Variants in CCSER1 observed in about 807,000 individuals in gnomAD.
CCSER1 encodes serine-rich coiled-coil domain-containing protein 1.
Under a neutral mutation model 82.0 loss-of-function variants are expected in CCSER1, and 41 were observed. The observed-to-expected ratio is 0.50, with a 90% CI of 0.39 to 0.65. The LOEUF (loss-of-function observed/expected upper bound fraction) is 0.65. CCSER1 is among the 30% of genes least tolerant of loss of function. The pLI, the probability that CCSER1 is intolerant of heterozygous loss-of-function variation, is 0.00. For missense variants in CCSER1, 1,119 were observed against 1,064.2 expected, an observed-to-expected ratio of 1.05 and a Z score of -0.72; for synonymous variants, 414 against 383.9, an observed-to-expected ratio of 1.08 and a Z score of -0.92.
chr4:90,618,823 C>A (rs1054560256), intron 5 of CCSER1, among the ~76,000 whole-genome samples: 6 of 151,626 alleles, frequency 4.0e-5, no homozygotes, highest in African/African-American at 1.5e-4. Flanking sequence ...TCACTTTAGA[C>A]CTGGAGTTTG....
At chr4:90,256,333 G>A (rs796455411) in intron 1 of CCSER1, among the ~76,000 whole-genome samples, 8 of 152,232 alleles carry the variant, frequency 5.3e-5, no homozygotes, top group African/African-American at 1.9e-4. Context: ...GCCAGGCATT[G>A]TTCTAGTGTC....
intron 1 of CCSER1, among the ~76,000 whole-genome samples, chr4:90,221,926 A>G (rs1269665192): frequency 1.3e-5 from 2 of 152,202 alleles, no homozygotes; most frequent in African/African-American, 4.8e-5. Context: ...CATATATTAG[A>G]TAAATGAAAT....
chr4:90,379,297 A>G (rs2153530416), intron 3 of CCSER1, among the ~76,000 whole-genome samples: 1 of 152,296 alleles, frequency 6.6e-6, no homozygotes, highest in Admixed American at 6.5e-5. Flanking sequence ...AGACAGTATT[A>G]AAGGTTTATA....
chr4:90,524,589 C>T lies in CCSER1; in HGVS notation c.1724+56235C>T, dbSNP rs1258467221. 2.6e-5 allele frequency among the ~76,000 whole-genome samples: 4 copies of T among 152,128 alleles called. No homozygotes were observed. In the South Asian group the frequency reaches 8.3e-4, roughly 32 times the overall value. ...GTACAAGCGATTCTCCTGCCTCAAC[C>T]TCCCGAGTAGCTGGGACTACGGGCG... On this transcript the variant is annotated intron_variant, in intron 5 of 10. Transcript: ENST00000509176.
intron 10 of CCSER1, among the ~76,000 whole-genome samples, chr4:91,581,214 T>G (rs1200386060): frequency 6.6e-6 from 1 of 151,672 alleles, no homozygotes; most frequent in African/African-American, 2.4e-5. Context: ...TCCTTCTAAT[T>G]TTTGTTCCTT....
intron 10 of CCSER1, among the ~76,000 whole-genome samples, chr4:91,167,195 T>TTTC (rs1265290908): frequency 6.7e-6 from 1 of 149,690 alleles, no homozygotes; most frequent in Non-Finnish European, 1.5e-5. Flanking sequence ...CTTTTTTTTT[T>TTTC]TTTTTTTTTG....
chr4:91,335,780 C>A (rs1747280101), intron 10 of CCSER1, among the ~76,000 whole-genome samples: 1 of 151,752 alleles, frequency 6.6e-6, no homozygotes, highest in African/African-American at 2.4e-5. Flanking sequence ...TTAGCAGCAT[C>A]ATGAAAAGAC....
At chr4:90,724,652 A>T (rs996427373) in intron 7 of CCSER1, 1 of 384,334 alleles carries the variant, frequency 2.6e-6, no homozygotes, top group Non-Finnish European at 5.1e-6. Context: ...TATTATTAGG[A>T]TTATTATAAA....
chr4:90,314,596 A>C (rs1037782128), intron 3 of CCSER1, among the ~76,000 whole-genome samples: 16 of 151,918 alleles, frequency 1.1e-4, no homozygotes, highest in Non-Finnish European at 1.8e-4. Context: ...CTCTAAAAAA[A>C]AATTTAATAA....
intron 10 of CCSER1, among the ~76,000 whole-genome samples, chr4:91,422,258 G>T (rs1365239963): frequency 1.3e-5 from 2 of 151,822 alleles, no homozygotes; most frequent in East Asian, 1.9e-4. Flanking sequence ...TGATTGTATG[G>T]TTGAATATCT....
chr4:91,550,087 G>A (rs186169115), intron 10 of CCSER1, among the ~76,000 whole-genome samples: 1 of 152,142 alleles, frequency 6.6e-6, no homozygotes, highest in East Asian at 1.9e-4. Flanking sequence ...CTTCCTCCAG[G>A]TATGTCAGGC....
At chr4:90,624,317 A>G (rs1356357916) in intron 5 of CCSER1, among the ~76,000 whole-genome samples, 1 of 152,218 alleles carries the variant, frequency 6.6e-6, no homozygotes, top group African/African-American at 2.4e-5. Flanking sequence ...CATTTTATTA[A>G]GAAGTTTTCA....
At chr4:90,506,121 G>C (rs964982413) in intron 5 of CCSER1, among the ~76,000 whole-genome samples, 2 of 152,180 alleles carry the variant, frequency 1.3e-5, no homozygotes, top group African/African-American at 4.8e-5. Flanking sequence ...TGTTGAATTA[G>C]TGTATGAGCA....
chr4:90,260,475 T>G (rs560799441), intron 1 of CCSER1, among the ~76,000 whole-genome samples: 1 of 152,330 alleles, frequency 6.6e-6, no homozygotes, highest in African/African-American at 2.4e-5. Flanking sequence ...TAATGTCTTC[T>G]TGTTGGACTG....
intron 6 of CCSER1, among the ~76,000 whole-genome samples, chr4:90,644,946 G>A (rs563326527): frequency 2.9e-4 from 44 of 151,542 alleles, no homozygotes; most frequent in Admixed American, 8.6e-4. Flanking sequence ...GCTGGATGTC[G>A]TGGCACACAC....
At chr4:90,698,720 C>G (rs144758316) in intron 6 of CCSER1, among the ~76,000 whole-genome samples, 1 of 152,016 alleles carries the variant, frequency 6.6e-6, no homozygotes, top group Non-Finnish European at 1.5e-5. Flanking sequence ...GTGAATTAAC[C>G]GACAATAGAC....
At chr4:90,740,012 G>T (rs1174286131) in intron 7 of CCSER1, among the ~76,000 whole-genome samples, 1 of 152,070 alleles carries the variant, frequency 6.6e-6, no homozygotes, top group East Asian at 1.9e-4. Flanking sequence ...TGGTTGGGGG[G>T]AATGATTTCT....
intron 5 of CCSER1, 65 bp from the exon 6 acceptor site, chr4:90,627,960 A>G (rs1398660013): frequency 1.6e-6 from 2 of 1,237,932 alleles, no homozygotes; most frequent in East Asian, 2.3e-5. Context: ...TTGATTAACA[A>G]CTTGGGAAAT....
intron 10 of CCSER1, among the ~76,000 whole-genome samples, chr4:91,209,510 A>G (rs1385727624): frequency 2.0e-5 from 3 of 152,066 alleles, no homozygotes; most frequent in African/African-American, 7.2e-5. Flanking sequence ...GCGATGAATC[A>G]CATTTATTGA....
Sources: allele counts gnomAD v4.1 joint callset (sites outside exome capture counted in the v4.1 genomes callset), GRCh38; gene constraint gnomAD v4.1.1; transcripts MANE v1.5; gene names NCBI Gene and HGNC (gene_info 2026-07-23, HGNC 2026-07-21).